The following TUBGCP3 variants were observed in gnomAD, a reference collection of about 807,000 sequenced individuals.
TUBGCP3 encodes tubulin gamma complex component 3.
In TUBGCP3, 50 loss-of-function variants were observed where a neutral mutation model predicts 123.1. The ratio of observed to expected loss-of-function variants is 0.41; its 90% CI spans 0.32 to 0.51. The LOEUF (loss-of-function observed/expected upper bound fraction) is 0.51, where lower values mean the gene tolerates loss of function less well. TUBGCP3 is among the 20% of genes least tolerant of loss of function. The probability of loss-of-function intolerance (pLI) is 0.36; values close to 1 mark genes in which losing one functional copy is unlikely to be tolerated. For synonymous variants in TUBGCP3, 405 were observed against 413.9 expected, an observed-to-expected ratio of 0.98 and a Z score of 0.26; for missense variants, 882 against 1,127.0, an observed-to-expected ratio of 0.78 and a Z score of 3.11.
At chr13:112,521,992 A>T in intron 14 of TUBGCP3, 1 of 399,718 alleles carries the variant, frequency 2.5e-6, no homozygotes, top group Non-Finnish European at 3.4e-6. Context: ...TTTATTTTTC[A>T]GCTTTATTTC....
intron 2 of TUBGCP3, among the ~76,000 whole-genome samples, chr13:112,567,498 T>C (rs1881044785): frequency 6.6e-6 from 1 of 152,192 alleles, no homozygotes; most frequent in Admixed American, 6.5e-5. Flanking sequence ...GGTTTAGGGT[T>C]CAAGAGGAGA....
At chr13:112,496,098 G>A (rs1339546605) in intron 20 of TUBGCP3, among the ~76,000 whole-genome samples, 1 of 152,190 alleles carries the variant, frequency 6.6e-6, no homozygotes, top group African/African-American at 2.4e-5. Flanking sequence ...ATGCATGGAT[G>A]CATTATCGTA....
chr13:112,586,068 T>A (rs1882587121), intron 1 of TUBGCP3, among the ~76,000 whole-genome samples: 1 of 151,558 alleles, frequency 6.6e-6, no homozygotes, highest in African/African-American at 2.4e-5. Context: ...TGAAACCCCG[T>A]CTCTACTAAA....
At chr13:112,527,566 T>G (rs1180681402) in intron 11 of TUBGCP3, 82 bp from the exon 12 acceptor site, 8 of 984,210 alleles carry the variant, frequency 8.1e-6, no homozygotes, top group Non-Finnish European at 1.3e-5. Flanking sequence ...AAGAGTAAGT[T>G]ATTCTAGAAA....
intron 3 of TUBGCP3, among the ~76,000 whole-genome samples, chr13:112,560,408 C>T (rs1031284319): frequency 2.8e-5 from 4 of 144,136 alleles, no homozygotes; most frequent in Non-Finnish European, 4.5e-5. Context: ...CCAGCCTGGG[C>T]GACAGAGCGA....
chr13:112,494,574 T>C (rs1880398337), intron 20 of TUBGCP3, among the ~76,000 whole-genome samples: 1 of 152,252 alleles, frequency 6.6e-6, no homozygotes, highest in Admixed American at 6.5e-5. Flanking sequence ...TGTCTTTCCT[T>C]GAGCCACACC....
intron 1 of TUBGCP3, among the ~76,000 whole-genome samples, chr13:112,569,857 T>A (rs535420451): frequency 6.6e-6 from 1 of 151,896 alleles, no homozygotes; most frequent in Non-Finnish European, 1.5e-5. Flanking sequence ...GGACTGCAGA[T>A]AGATGTGTGG....
upstream of TUBGCP3, among the ~76,000 whole-genome samples, chr13:112,590,024 G>C (rs1049254561): frequency 1.3e-5 from 2 of 149,278 alleles, no homozygotes; most frequent in Non-Finnish European, 3.0e-5. Context: ...ATGGAGTCTC[G>C]CTCTGTTGCC....
In TUBGCP3 at chr13:112,511,274, C is replaced by T. The variant is rs567182700; in HGVS notation, c.2086+5166G>A. ...GGCACTGCTGGCCCGCGGGCACCTG[C>T]CTTTCCTGGTAAGATAAAATCTGCG... is the stretch of plus-strand genomic sequence containing the variant. On this transcript the variant is annotated intron_variant, in intron 17 of 21. Transcript: ENST00000261965. This position sits in a 1 kb window ranked among gnomAD's most constrained non-coding sequence, Gnocchi z 4.1. Among the ~76,000 whole-genome samples, 3 of 152,296 alleles carry T rather than the reference C, an allele frequency of 2.0e-5. No homozygotes were observed. In the South Asian group the frequency reaches 6.2e-4, roughly 32 times the overall value.
intron 11 of TUBGCP3, among the ~76,000 whole-genome samples, chr13:112,538,364 A>G (rs1878240916): frequency 1.3e-5 from 2 of 152,216 alleles, no homozygotes; most frequent in East Asian, 1.9e-4. Context: ...TTCAACCTAA[A>G]TGTGTCTTGC....
chr13:112,503,392 C>T (rs1881065725), intron 19 of TUBGCP3, among the ~76,000 whole-genome samples: 1 of 152,118 alleles, frequency 6.6e-6, no homozygotes, highest in Non-Finnish European at 1.5e-5. Context: ...TGTTTTGAGA[C>T]AGTGTCTCGA....
At chr13:112,559,230 A>T in intron 4 of TUBGCP3, 92 bp downstream of exon 4, 1 of 1,014,924 alleles carries the variant, frequency 9.9e-7, no homozygotes, top group Non-Finnish European at 1.5e-6. Flanking sequence ...TTGCTTTCCT[A>T]GCATTATTTT....
intron 11 of TUBGCP3, among the ~76,000 whole-genome samples, chr13:112,540,194 G>A (rs1211389714): frequency 1.3e-5 from 2 of 148,860 alleles, no homozygotes; most frequent in Non-Finnish European, 3.0e-5. Flanking sequence ...AGGATACCTG[G>A]GAGTGATGAC....
rs761295205 is a variant in TUBGCP3 at position 112,547,535 on chromosome 13, TGCATGGGAAAGTCGC to T, written c.1168+70_1168+84del. ...GGGAAAGACGCGCGTGGGAAAGACG[TGCATGGGAAAGTCGC>T]GCGTGGGAAAGTCGCGCGTGGGAAA... On this transcript the variant is annotated intron_variant, in intron 10 of 21. Coordinates refer to ENST00000261965, the MANE Select transcript of TUBGCP3 (RefSeq NM_006322.6). 1.2e-3 allele frequency: 1,446 copies of T among 1,162,216 alleles called. 3 individuals carry two copies. Among genetic ancestry groups the T allele is most frequent in the Middle Eastern group, 4.7e-3 (13 of 2,768 alleles). The allele number at this position is 1,162,216 out of a possible 1,614,324, so 72.0% of individuals were successfully genotyped here.
At chr13:112,544,477 A>AAAAC (rs1878822584) in intron 11 of TUBGCP3, 1 of 148,762 alleles carries the variant, frequency 6.7e-6, no homozygotes, top group African/African-American at 2.5e-5. Context: ...AAAAAAAAAA[A>AAAAC]TGCATCCCCA....
intron 17 of TUBGCP3, among the ~76,000 whole-genome samples, chr13:112,512,989 C>A (rs927513462): frequency 3.3e-5 from 5 of 152,120 alleles, no homozygotes; most frequent in Admixed American, 2.0e-4. Context: ...ATGAACGCAT[C>A]CTTGTTTTCC....
At chr13:112,553,937 C>A in intron 8 of TUBGCP3, 120 bp downstream of exon 8, 1 of 1,480,980 alleles carries the variant, frequency 6.8e-7, no homozygotes. Context: ...AAAGTTGACT[C>A]TCAAAGCTGC....
intron 14 of TUBGCP3, chr13:112,521,783 G>A: frequency 1.0e-6 from 1 of 985,386 alleles, no homozygotes; most frequent in Non-Finnish European, 1.2e-6. Flanking sequence ...ACGCTGCCTG[G>A]GCCGGGGTCT....
At chr13:112,552,748 A>C (rs1380781738) in intron 8 of TUBGCP3, among the ~76,000 whole-genome samples, 1 of 148,792 alleles carries the variant, frequency 6.7e-6, no homozygotes. Context: ...GCCACAGCAC[A>C]CTCCTCCCCA....
Sources: allele counts gnomAD v4.1 joint callset (sites outside exome capture counted in the v4.1 genomes callset), GRCh38; gene constraint gnomAD v4.1.1; non-coding constraint Gnocchi (gnomAD v3.1); transcripts MANE v1.5; gene names NCBI Gene and HGNC (gene_info 2026-07-23, HGNC 2026-07-21).